The following PPP1R21 variants were observed in gnomAD, a reference collection of about 807,000 sequenced individuals.
PPP1R21 encodes protein phosphatase 1 regulatory subunit 21.
In PPP1R21, 85 loss-of-function variants were observed where a neutral mutation model predicts 112.8. The observed-to-expected ratio is 0.75, with a 90% confidence interval of 0.63 to 0.90. The LOEUF (loss-of-function observed/expected upper bound fraction) is 0.90. PPP1R21 is among the 40% of genes least tolerant of loss of function. PPP1R21 has a pLI of 0.00. For synonymous variants in PPP1R21, 381 were observed against 322.3 expected (o/e 1.18, Z -1.95); for missense variants, 1,199 against 901.5 (o/e 1.33, Z -4.23).
chr2:48,482,768 G>A (rs1279657645), intron 13 of PPP1R21, among the ~76,000 whole-genome samples: 2 of 143,158 alleles, frequency 1.4e-5, no homozygotes, highest in Non-Finnish European at 3.2e-5. Context: ...ATCATCAGAT[G>A]ACTTTTTTTT....
chr2:48,458,351 A>G (rs1476207934), intron 4 of PPP1R21, 124 bp downstream of exon 4: 2 of 581,836 alleles, frequency 3.4e-6, no homozygotes, highest in African/African-American at 3.7e-5. Context: ...TATGGTCTTC[A>G]AGTATATATG....
rs1553350043 is a variant in PPP1R21, at chr2:48,515,247, T to TCTCTCTCTCTCTCTCTCTCTCTC, written c.*503_*504insCTCTCTCTCTCTCTCTCTCTCTC. 7.4e-6 allele frequency: 1 copy of TCTCTCTCTCTCTCTCTCTCTCTC among 135,222 alleles called. No homozygotes were observed. The highest frequency in any genetic ancestry group is 1.6e-5 in the Non-Finnish European group (1 of 62,260). 8.4% of individuals were successfully genotyped at this position (135,222 alleles called of 1,614,324 possible). ...CTCTCTCTCTCTCTCTCTCTCTCTCTTCTTTCTCTCTGAGGGAGAGGGAGC... is the reference window on the plus strand; with the variant it reads ...CTCTCTCTCTCTCTCTCTCTCTCTCTCTCTCTCTCTCTCTCTCTCTCTCTCTTTCTCTCTGAGGGAGAGGGAGC... On this transcript the variant is annotated 3_prime_UTR_variant, in exon 22 of 22. Transcript: ENST00000294952.
chr2:48,449,280 AGGTTTCTTATCT>A (rs1418414150), intron 1 of PPP1R21, among the ~76,000 whole-genome samples: 1 of 152,192 alleles, frequency 6.6e-6, no homozygotes, highest in East Asian at 1.9e-4. Flanking sequence ...GCTTTGACAT[AGGTTTCTTATCT>A]GGTTCTCACA....
intron 13 of PPP1R21, among the ~76,000 whole-genome samples, chr2:48,482,126 T>G (rs1158483198): frequency 1.3e-5 from 2 of 152,212 alleles, no homozygotes; most frequent in African/African-American, 4.8e-5. Flanking sequence ...TATTGGTTGA[T>G]AGGTTGGTCT....
Position 48,478,467 on chromosome 2 carries a change from A to G in PPP1R21, c.1226-1457A>G, listed in dbSNP as rs138462747. On this transcript the variant is annotated intron_variant, in intron 12 of 21. Coordinates refer to ENST00000294952, the MANE Select transcript of PPP1R21 (RefSeq NM_001135629.3). ...TGCATACAGTCACCCTGAGATGACG[A>G]TGGTGGCAGGGCTCTCCTTCACTGT... 4.4e-3 allele frequency among the ~76,000 whole-genome samples: 672 copies of G among 152,304 alleles called. 1 individual carries two copies. Among genetic ancestry groups the G allele is most frequent in the Middle Eastern group, 0.014 (4 of 294 alleles).
chr2:48,483,287 T>C (rs1408151392), intron 13 of PPP1R21, among the ~76,000 whole-genome samples: 1 of 137,516 alleles, frequency 7.3e-6, no homozygotes, highest in Non-Finnish European at 1.5e-5. Context: ...GTTCAAGCGA[T>C]TCTCCTGCCT....
At chr2:48,485,902 CAATTGTATATACTAACTAAT>C (rs1669266915) in intron 13 of PPP1R21, among the ~76,000 whole-genome samples, 1 of 143,516 alleles carries the variant, frequency 7.0e-6, no homozygotes, top group Non-Finnish European at 1.5e-5. Context: ...CTAATATATA[CAATTGTATATACTAACTAAT>C]ATATACAATT....
intron 7 of PPP1R21, among the ~76,000 whole-genome samples, chr2:48,463,743 C>G (rs1218584458): frequency 2.6e-5 from 4 of 151,858 alleles, no homozygotes; most frequent in Non-Finnish European, 4.4e-5. Flanking sequence ...GTGATTATGT[C>G]CTAAGGTCCT....
At position 48,505,503 on chromosome 2, in the gene PPP1R21, G is replaced by T. The variant is rs905278833; in HGVS notation, c.1936-61G>T. The T allele has an allele frequency of 4.1e-6, 5 of 1,225,576 alleles. No homozygotes were observed. In the East Asian group the frequency reaches 1.3e-4, roughly 31 times the overall value. The allele number at this position is 1,225,576 out of a possible 1,614,324, so 75.9% of individuals were successfully genotyped here. A position where few individuals can be genotyped will look rare whatever the true frequency, so the allele number is the denominator to read the frequency against. Reference sequence around the variant, plus strand: ...AGAGGAGAAAATATTAAAAGCGTTTGATCTATTGTGCTTGAAATGTACACA... The same window carrying T: ...AGAGGAGAAAATATTAAAAGCGTTTTATCTATTGTGCTTGAAATGTACACA... On this transcript the variant is annotated intron_variant, in intron 17 of 21. Coordinates refer to ENST00000294952, the MANE Select transcript of PPP1R21 (RefSeq NM_001135629.3).
intron 2 of PPP1R21, among the ~76,000 whole-genome samples, chr2:48,452,954 CTTTT>C (rs1319946542): frequency 3.6e-5 from 5 of 138,424 alleles, no homozygotes; most frequent in African/African-American, 2.6e-5. Context: ...GTTGCTGTTC[CTTTT>C]TTTTTTTTTT....
intron 7 of PPP1R21, 139 bp from the exon 8 acceptor site, chr2:48,464,797 TC>T (rs1349158273): frequency 1.8e-6 from 1 of 555,116 alleles, no homozygotes; most frequent in Admixed American, 4.0e-5. Flanking sequence ...CTATGTAAAT[TC>T]CATTATTCTG....
In PPP1R21 at chr2:48,458,196, A is replaced by C; in HGVS notation, c.344A>C (p.Lys115Thr). 6.2e-7 allele frequency: 1 copy of C among 1,611,900 alleles called. No homozygotes were observed. Among genetic ancestry groups the C allele is most frequent in the South Asian group, 1.1e-5 (1 of 90,988 alleles). Residue 115 changes from lysine (K) to threonine (T), a missense_variant, in exon 4 of 22, where the codon AAG (lysine) becomes ACG (threonine). Lys to Thr is a moderately conservative substitution (Grantham distance 78, BLOSUM62 -1). Coordinates refer to ENST00000294952, the MANE Select transcript of PPP1R21 (RefSeq NM_001135629.3). ...KSVFDEDLQKKIEENERLHIQ... is the reference protein window; with the variant it reads ...KSVFDEDLQKTIEENERLHIQ... ...GTCTTTGATGAAGATCTGCAAAAGA[A>C]GATAGAAGAGAATGAACGGTTGCAT...
At chr2:48,441,313 G>T (rs1667020946) in intron 1 of PPP1R21, 1 of 472,366 alleles carries the variant, frequency 2.1e-6, no homozygotes, top group Non-Finnish European at 3.9e-6. Flanking sequence ...TGCCTCTAAT[G>T]CTGGCTGAGA....
intron 1 of PPP1R21, among the ~76,000 whole-genome samples, chr2:48,449,558 C>A (rs1667388575): frequency 6.6e-6 from 1 of 152,052 alleles, no homozygotes; most frequent in Admixed American, 6.6e-5. Context: ...TGTTGAATAT[C>A]CTGCAGTATT....
chr2:48,484,347 T>C (rs1229277503), intron 13 of PPP1R21, among the ~76,000 whole-genome samples: 2 of 152,184 alleles, frequency 1.3e-5, no homozygotes, highest in African/African-American at 4.8e-5. Flanking sequence ...GAGAATTGTT[T>C]GATCTTTAGT....
At chr2:48,499,904 C>G (rs1357921619) in intron 17 of PPP1R21, among the ~76,000 whole-genome samples, 5 of 152,102 alleles carry the variant, frequency 3.3e-5, no homozygotes, top group Admixed American at 6.6e-5. Flanking sequence ...GAAGGAAAAA[C>G]CCTAATAATC....
At chr2:48,506,634 T>C (rs1255567941) in intron 18 of PPP1R21, among the ~76,000 whole-genome samples, 2 of 152,120 alleles carry the variant, frequency 1.3e-5, no homozygotes, top group Non-Finnish European at 2.9e-5. Context: ...AACTGTTCAA[T>C]ATAGAAATAG....
chr2:48,489,925 A>G (rs1308981306), intron 14 of PPP1R21, among the ~76,000 whole-genome samples: 1 of 152,102 alleles, frequency 6.6e-6, no homozygotes. Context: ...CACAACTGTA[A>G]TCCCAGCTAC....
intron 2 of PPP1R21, among the ~76,000 whole-genome samples, chr2:48,453,188 G>C (rs552490585): frequency 1.3e-5 from 2 of 152,166 alleles, no homozygotes; most frequent in East Asian, 1.9e-4. Context: ...TCCTGACCTC[G>C]AGTGATCCGC....
Sources: allele counts gnomAD v4.1 joint callset (sites outside exome capture counted in the v4.1 genomes callset), GRCh38; gene constraint gnomAD v4.1.1; transcripts MANE v1.5; gene names NCBI Gene and HGNC (gene_info 2026-07-23, HGNC 2026-07-21).